The following PARP6 variants were observed in gnomAD, a reference collection of about 807,000 sequenced individuals.
PARP6 encodes the protein poly(ADP-ribose) polymerase family member 6, also known as protein mono-ADP-ribosyltransferase PARP6.
PARP6 carries 27 observed loss-of-function variants against 92.0 expected under a neutral mutation model. That is an observed-to-expected ratio of 0.29 (90% CI 0.22 to 0.40). The LOEUF (loss-of-function observed/expected upper bound fraction) is 0.40, where lower values mean the gene tolerates loss of function less well. Among genes scored for constraint, PARP6 ranks in the 10% least tolerant of loss-of-function variants. The pLI, the probability that PARP6 is intolerant of heterozygous loss-of-function variation, is 1.00. For missense variants in PARP6, 501 were observed against 784.5 expected, an observed-to-expected ratio of 0.64 and a Z score of 4.32; for synonymous variants, 272 against 281.2, an observed-to-expected ratio of 0.97 and a Z score of 0.33.
intron 2 of PARP6, among the ~76,000 whole-genome samples, chr15:72,270,128 A>G (rs972194951): frequency 2.0e-5 from 3 of 152,164 alleles, no homozygotes; most frequent in Non-Finnish European, 4.4e-5. Context: ...GCCAGAGCAG[A>G]GCCAGCATAG....
At chr15:72,252,038 C>G (rs1165620849) in intron 16 of PARP6, among the ~76,000 whole-genome samples, 1 of 152,082 alleles carries the variant, frequency 6.6e-6, no homozygotes, top group Non-Finnish European at 1.5e-5. Flanking sequence ...TGAAGGCTGA[C>G]TAGGAAGAGG....
chr15:72,264,825 T>C (rs1428867831), intron 7 of PARP6, among the ~76,000 whole-genome samples: 1 of 152,102 alleles, frequency 6.6e-6, no homozygotes, highest in Non-Finnish European at 1.5e-5. Flanking sequence ...CAGGAGGATG[T>C]TGAGAAAAGG....
intron 9 of PARP6, 119 bp downstream of exon 9, chr15:72,261,439 G>A: frequency 1.2e-6 from 1 of 868,924 alleles, no homozygotes. Context: ...AGTGGTGTCA[G>A]TAGTTAAAGA....
rs1451172612 is a variant in PARP6, at chr15:72,241,511, G to A, written c.1837C>T (p.Pro613Ser). The stretch of plus-strand genomic sequence containing the variant: ...CGCATGATTTCCTTCTGTATCTTGG[G>A]GTCCTGAGTATTAATGTTGGCATCG... ...VGDANINTQD[P>S]KIQKEIMRVI... Residue 613 changes from proline to serine, a missense_variant, in exon 24 of 24, where the codon CCC becomes TCC. Physicochemically the swap from Pro to Ser is moderately conservative, Grantham distance 74. Coordinates refer to ENST00000569795, the MANE Select transcript of PARP6 (RefSeq NM_001323532.2). The surrounding 1 kb of genome is among the most constrained non-coding windows in gnomAD (Gnocchi z 4.1). 11 of 1,613,956 alleles carry A rather than the reference G, an allele frequency of 6.8e-6. No individual in the cohort carries two copies. Among genetic ancestry groups the A allele is most frequent in the South Asian group, 1.1e-5 (1 of 91,082 alleles).
At chr15:72,264,694 A>T (rs1283857882) in intron 7 of PARP6, 73 bp from the exon 8 acceptor site, 1 of 1,146,492 alleles carries the variant, frequency 8.7e-7, no homozygotes, top group African/African-American at 1.5e-5. Context: ...TCAGTGGAAT[A>T]GCTTCCATAC....
intron 15 of PARP6, 123 bp downstream of exon 15, chr15:72,254,332 A>G: frequency 1.5e-6 from 1 of 679,156 alleles, no homozygotes; most frequent in East Asian, 2.5e-5. Flanking sequence ...AAGAGGAAAG[A>G]CTAAAAAAAA....
chr15:72,261,588 G>C lies in PARP6; in HGVS notation c.515C>G (p.Ala172Gly), dbSNP rs374660965. 2 of 1,614,040 alleles carry C rather than the reference G, an allele frequency of 1.2e-6. No homozygotes were observed. The highest frequency in any genetic ancestry group is 2.7e-5 in the African/African-American group (2 of 74,932). The change falls in exon 9 of 24, where the codon GCT (alanine) becomes GGT (glycine). Residue 172 changes from alanine (A) to glycine (G), a missense_variant. By Grantham distance (60) the Ala-to-Gly change is moderately conservative. Coordinates refer to ENST00000569795, the MANE Select transcript of PARP6 (RefSeq NM_001323532.2). ...GATGGGTGAAAAGATGCTGAGGCCA[G>C]CTCGGAACTTCTTGATGGTACCACT... ...KASGTIKKFR[A>G]GLSIFSPIPK...
rs1393661816 is a variant in PARP6 at position 72,242,613 on chromosome 15, C to T, written c.1641+7G>A. On this transcript the variant is annotated splice_region_variant and intron_variant, in intron 21 of 23. Transcript: ENST00000569795. This position sits in a 1 kb window ranked among gnomAD's most constrained non-coding sequence, Gnocchi z 4.3. The stretch of plus-strand genomic sequence containing the variant: ...AAGGTCCTGCCTCATTAGAATAGTT[C>T]CAATACCTGGGGGATGGTATTCATC... 1.3e-6 allele frequency: 2 copies of T among 1,582,240 alleles called. No individual in the cohort carries two copies. The highest frequency in any genetic ancestry group is 1.7e-6 in the Non-Finnish European group (2 of 1,150,902).
intron 9 of PARP6, among the ~76,000 whole-genome samples, 164 bp downstream of exon 9, chr15:72,261,394 G>A (rs542358878): frequency 3.5e-4 from 53 of 151,080 alleles, no homozygotes; most frequent in African/African-American, 1.3e-3. Flanking sequence ...ATAAGGAGTA[G>A]AAAGGTAAGG....
intron 2 of PARP6, 117 bp from the exon 3 acceptor site, chr15:72,267,788 G>T (rs947619143): frequency 3.8e-6 from 1 of 261,904 alleles, no homozygotes; most frequent in East Asian, 7.6e-5. Flanking sequence ...TTTCGCTCTT[G>T]TCGCCCAGGC....
chr15:72,243,110 G>T (rs145271291), intron 20 of PARP6: 215 of 170,710 alleles, frequency 1.3e-3, no homozygotes, highest in African/African-American at 4.5e-3. Flanking sequence ...AGAGAATAGT[G>T]AATTGCAGAG....
chr15:72,268,180 C>T (rs2086864658), intron 2 of PARP6, among the ~76,000 whole-genome samples: 1 of 152,216 alleles, frequency 6.6e-6, no homozygotes, highest in Non-Finnish European at 1.5e-5. Context: ...ATGCAAGATA[C>T]TGCTGTTCTA....
At chr15:72,264,406 A>C in intron 8 of PARP6, 149 bp downstream of exon 8, 2 of 632,218 alleles carry the variant, frequency 3.2e-6, no homozygotes, top group South Asian at 3.9e-5. Context: ...CTGGCTCCCT[A>C]AATTTATTTT....
chr15:72,259,667 G>T lies in PARP6; in HGVS notation c.757-6C>A. The T allele has an allele frequency of 6.2e-7, 1 of 1,613,828 alleles. No individual in the cohort carries two copies. On this transcript the variant is annotated splice_region_variant and splice_polypyrimidine_tract_variant and intron_variant, in intron 10 of 23. Transcript: ENST00000569795. The stretch of plus-strand genomic sequence containing the variant: ...TTCTTGCAGTGACCACTGACCTGGT[G>T]AGAGTAAAAAGACAGACCCCGTGAA...
intron 20 of PARP6, chr15:72,243,025 G>A (rs1014432549): frequency 5.2e-5 from 15 of 286,210 alleles, no homozygotes; most frequent in African/African-American, 2.0e-4. Context: ...AATAAACAGC[G>A]GGGAAGTGTC....
chr15:72,249,460 A>G (rs2084051113), intron 19 of PARP6, 146 bp from the exon 20 acceptor site: 1 of 524,222 alleles, frequency 1.9e-6, no homozygotes, highest in Non-Finnish European at 3.4e-6. Flanking sequence ...CGGAAAGCCA[A>G]CTGGCTGAAA....
rs1417943350 is a variant in PARP6 at position 72,265,446 on chromosome 15, G to A, written c.204C>T (p.Asp68=). 1 of 1,613,580 alleles carries A rather than the reference G, an allele frequency of 6.2e-7. No homozygotes were observed. Among genetic ancestry groups the A allele is most frequent in the Non-Finnish European group, 8.5e-7 (1 of 1,179,458 alleles). The part of the protein sequence containing the change: ...IREYGTIDDV[D]IDLHINISFL... ...AGCTGATGTTGATGTGGAGGTCAAT[G>A]TCCACGTCATCGATAGTTCCATATT... The change falls in exon 6 of 24, where the codon GAC becomes GAT. Residue 68 remains aspartate, a synonymous_variant. Transcript: ENST00000569795.
In PARP6 at chr15:72,265,492, C is replaced by A. The variant is rs772017222; in HGVS notation, c.177-19G>T. 5.7e-6 allele frequency: 9 copies of A among 1,592,550 alleles called. No individual in the cohort carries two copies. The highest frequency in any genetic ancestry group is 7.8e-6 in the Non-Finnish European group (9 of 1,160,362). The stretch of plus-strand genomic sequence containing the variant: ...ATATTCTCTATAGAGATACAGGTGA[C>A]AACAGGTGAGACTCATTAAGGGAGA... On this transcript the variant is annotated intron_variant, in intron 5 of 23. Transcript: ENST00000569795.
Position 72,241,338 on chromosome 15 carries a change from G to GC in PARP6, c.*116dup. On this transcript the variant is annotated 3_prime_UTR_variant, in exon 24 of 24. Coordinates refer to ENST00000569795, the MANE Select transcript of PARP6 (RefSeq NM_001323532.2). The surrounding 1 kb of genome is among the most constrained non-coding windows in gnomAD (Gnocchi z 4.1). ...GCCACCTCTTACATATCCTTTTCCT[G>GC]CCCCTTGGTAATGGCCCCTTGATTC... 2 of 749,350 alleles carry GC rather than the reference G, an allele frequency of 2.7e-6. No individual in the cohort carries two copies. Among genetic ancestry groups the GC allele is most frequent in the Non-Finnish European group, 4.8e-6 (2 of 417,424 alleles). 46.4% of individuals were successfully genotyped at this position (749,350 alleles called of 1,614,324 possible).
Sources: allele counts gnomAD v4.1 joint callset (sites outside exome capture counted in the v4.1 genomes callset), GRCh38; gene constraint gnomAD v4.1.1; non-coding constraint Gnocchi (gnomAD v3.1); transcripts MANE v1.5; gene names NCBI Gene and HGNC (gene_info 2026-07-23, HGNC 2026-07-21).